Variants in IQANK1 observed in about 807,000 individuals in gnomAD.
IQANK1 encodes IQ motif and ankyrin repeat containing 1, also known as IQ motif and ankyrin repeat domain-containing protein 1.
In IQANK1, 30 loss-of-function variants were observed where a neutral mutation model predicts 22.6. The observed-to-expected ratio is 1.33, with a 90% CI of 0.99 to 1.80. IQANK1 has a LOEUF of 1.80. Ranked by LOEUF, IQANK1 falls within the 40% of genes most tolerant of loss-of-function variation. IQANK1 has a pLI of 0.00. For synonymous variants in IQANK1, 122 were observed against 99.6 expected (o/e 1.23, Z -1.34); for missense variants, 275 against 235.2 (o/e 1.17, Z -1.11).
chr8:143,741,042 C>G (rs1402689707), intron 3 of IQANK1, among the ~76,000 whole-genome samples: 1 of 152,204 alleles, frequency 6.6e-6, no homozygotes. Flanking sequence ...AAGGCCAGCA[C>G]CGAGGCTCTG....
At chr8:143,788,374 T>C (rs148366184) in intron 7 of IQANK1, among the ~76,000 whole-genome samples, 315 of 152,342 alleles carry the variant, frequency 2.1e-3, no homozygotes, top group African/African-American at 7.3e-3. Context: ...CCGGCGCAGC[T>C]GGGCTTTGAG....
intron 7 of IQANK1, among the ~76,000 whole-genome samples, chr8:143,779,300 T>C (rs1819750496): frequency 6.6e-6 from 1 of 152,214 alleles, no homozygotes; most frequent in South Asian, 2.1e-4. Flanking sequence ...CAGAAAATTA[T>C]GAGAAAGCAA....
intron 3 of IQANK1, among the ~76,000 whole-genome samples, chr8:143,752,996 G>GTTTTCTTTTTT (rs1819222689): frequency 1.4e-5 from 1 of 69,904 alleles, no homozygotes; most frequent in African/African-American, 6.2e-5. Context: ...CTCTCTGTTC[G>GTTTTCTTTTTT]TTTTTTTTTT....
At chr8:143,746,972 T>C (rs1037084985) in intron 3 of IQANK1, among the ~76,000 whole-genome samples, 3 of 151,970 alleles carry the variant, frequency 2.0e-5, no homozygotes, top group African/African-American at 7.2e-5. Context: ...CTCCGCCTCC[T>C]GGGTTCACGC....
intron 3 of IQANK1, among the ~76,000 whole-genome samples, chr8:143,757,990 T>C (rs1167184521): frequency 1.3e-5 from 2 of 152,154 alleles, no homozygotes; most frequent in Non-Finnish European, 2.9e-5. Flanking sequence ...TTCACCAATA[T>C]AGTGTATCAG....
rs59308853 is a variant in IQANK1 at position 143,735,483 on chromosome 8, TGATTAC to T, written c.-4-365_-4-360del. Among the ~76,000 whole-genome samples, 7,499 of 152,082 alleles carry T rather than the reference TGATTAC, an allele frequency of 0.049. 616 individuals are homozygous for T. Among genetic ancestry groups the T allele is most frequent in the African/African-American group, 0.17 (7,060 of 41,418 alleles). On this transcript the variant is annotated intron_variant, in intron 1 of 13. Coordinates refer to ENST00000527139, the MANE Select transcript of IQANK1 (RefSeq NM_001381874.1). This position sits in a 1 kb window ranked among gnomAD's most constrained non-coding sequence, Gnocchi z 5.2. ...GCTTCAGCAGAGAGGGCCATGCTCA[TGATTAC>T]GGTGAGAACAAAGACCGGCCCACTG... is the stretch of plus-strand genomic sequence containing the variant.
intron 3 of IQANK1, among the ~76,000 whole-genome samples, chr8:143,756,643 TG>T (rs1378197561): frequency 6.6e-6 from 1 of 151,952 alleles, no homozygotes; most frequent in Non-Finnish European, 1.5e-5. Context: ...TAGGCATCAG[TG>T]CTTGCCAGGG....
At chr8:143,789,615 G>A (rs1554631920) in intron 10 of IQANK1, 87 bp downstream of exon 10, 3 of 1,226,892 alleles carry the variant, frequency 2.4e-6, no homozygotes, top group Non-Finnish European at 1.0e-6. Flanking sequence ...CCGCTCCCAG[G>A]CCTGGGGTTT....
intron 7 of IQANK1, among the ~76,000 whole-genome samples, chr8:143,786,117 C>T (rs1231960523): frequency 2.0e-5 from 3 of 152,210 alleles, no homozygotes; most frequent in African/African-American, 7.2e-5. Flanking sequence ...CATGCCTCAG[C>T]CTCCCAAAGT....
intron 3 of IQANK1, among the ~76,000 whole-genome samples, chr8:143,762,940 CTTTT>C (rs200578256): frequency 2.0e-5 from 3 of 151,270 alleles, no homozygotes; most frequent in Non-Finnish European, 4.4e-5. Flanking sequence ...TCCCTCTTTT[CTTTT>C]TTTTTCTTTT....
chr8:143,749,401 A>G (rs1164059721), intron 3 of IQANK1, among the ~76,000 whole-genome samples: 1 of 131,558 alleles, frequency 7.6e-6, no homozygotes, highest in African/African-American at 3.0e-5. Context: ...ATAATTATAT[A>G]TCATATCATA....
intron 3 of IQANK1, among the ~76,000 whole-genome samples, chr8:143,748,525 G>T (rs1563770140): frequency 8.7e-6 from 1 of 115,074 alleles, no homozygotes; most frequent in East Asian, 2.4e-4. Context: ...AAATATAGAT[G>T]ATATATATGA....
rs1009653739 is a variant in IQANK1 at position 143,771,698 on chromosome 8, G to C, written c.306+80G>C. 2.5e-6 allele frequency: 1 copy of C among 397,782 alleles called. No homozygotes were observed. The highest frequency in any genetic ancestry group is 2.1e-5 in the African/African-American group (1 of 48,444). The allele number at this position is 397,782 out of a possible 1,614,324, so 24.6% of individuals were successfully genotyped here. On this transcript the variant is annotated intron_variant, in intron 4 of 13. Coordinates refer to ENST00000527139, the MANE Select transcript of IQANK1 (RefSeq NM_001381874.1). The surrounding 1 kb of genome is among the most constrained non-coding windows in gnomAD (Gnocchi z 6.0). ...ATGGCGAAGCAGGGTGCGTGGTGGG[G>C]GTGAGGCTCAGATCGGGCTCCGACC...
Position 143,790,064 on chromosome 8 carries a change from G to C in IQANK1, c.1289G>C (p.Arg430Pro). 1.6e-6 allele frequency: 2 copies of C among 1,232,102 alleles called. No individual in the cohort carries two copies. The highest frequency in any genetic ancestry group is 2.0e-6 in the Non-Finnish European group (2 of 987,998). 76.3% of individuals were successfully genotyped at this position (1,232,102 alleles called of 1,614,324 possible). The part of the protein sequence containing the change: ...DVGNRIRADG[R>P]WPLVIDPLGQ... ...GGCAACCGCATCCGTGCCGATGGCC[G>C]GTCAGTTCTCCGGGCCAGACGTGGG... Residue 430 changes from arginine to proline, a missense_variant and splice_region_variant, in exon 12 of 14, where the codon CGG becomes CCG. By Grantham distance (103) the Arg-to-Pro change is moderately radical (BLOSUM62 -2). Coordinates refer to ENST00000527139, the MANE Select transcript of IQANK1 (RefSeq NM_001381874.1).
chr8:143,751,656 G>GTATATA (rs1430170946), intron 3 of IQANK1, among the ~76,000 whole-genome samples: 3 of 39,658 alleles, frequency 7.6e-5, no homozygotes, highest in Non-Finnish European at 2.9e-4. Flanking sequence ...GTGTGTGTGT[G>GTATATA]TGTGTGTGTA....
At chr8:143,739,738 G>A in intron 2 of IQANK1, 121 bp from the exon 3 acceptor site, 2 of 577,262 alleles carry the variant, frequency 3.5e-6, no homozygotes, top group East Asian at 6.2e-5. Flanking sequence ...GAGGAGGCCC[G>A]GGTGGGGGGC....
chr8:143,782,735 C>T (rs568078997), intron 7 of IQANK1, among the ~76,000 whole-genome samples: 12 of 152,294 alleles, frequency 7.9e-5, no homozygotes, highest in Middle Eastern at 3.4e-3. Flanking sequence ...CTCGGTCTCC[C>T]GAAGAGCTGG....
chr8:143,746,694 A>G (rs1014432249), intron 3 of IQANK1, among the ~76,000 whole-genome samples: 27 of 151,832 alleles, frequency 1.8e-4, no homozygotes, highest in African/African-American at 6.5e-4. Context: ...TTGTTTGGAG[A>G]TGTTTGATTA....
chr8:143,766,073 G>A (rs370459023), intron 3 of IQANK1, among the ~76,000 whole-genome samples: 1 of 151,792 alleles, frequency 6.6e-6, no homozygotes, highest in African/African-American at 2.4e-5. Flanking sequence ...CAAGCCTCCC[G>A]TGGGTAGTAG....
Sources: gnomAD v4.1 joint callset for allele counts (sites outside exome capture counted in the v4.1 genomes callset) on GRCh38, gnomAD v4.1.1 for gene constraint, Gnocchi (gnomAD v3.1) non-coding constraint, MANE v1.5 for transcripts, NCBI Gene and HGNC (gene_info 2026-07-23, HGNC 2026-07-21) for gene names.